The following DLC1 variants were observed in gnomAD, a reference collection of about 807,000 sequenced individuals.
The protein encoded by DLC1 is DLC1 Rho GTPase activating protein.
In DLC1, 54 loss-of-function variants were observed where a neutral mutation model predicts 140.3. That is an observed-to-expected ratio of 0.38 (90% CI 0.31 to 0.48). The LOEUF is 0.48. DLC1 is among the 20% of genes least tolerant of loss of function. The pLI is 0.96. For missense variants in DLC1, 2,536 were observed against 1,907.0 expected, an observed-to-expected ratio of 1.33 and a Z score of -6.14; for synonymous variants, 986 against 728.1, an observed-to-expected ratio of 1.35 and a Z score of -5.70.
chr8:13,259,612 C>G (rs142221799), intron 5 of DLC1, among the ~76,000 whole-genome samples: 1 of 152,058 alleles, frequency 6.6e-6, no homozygotes, highest in African/African-American at 2.4e-5. Flanking sequence ...TCCTTCATTT[C>G]TTTTCCACCT....
intron 1 of DLC1, among the ~76,000 whole-genome samples, chr8:13,507,409 C>A (rs897737914): frequency 6.6e-6 from 1 of 152,200 alleles, no homozygotes. Context: ...AGACAGCCAA[C>A]TTTCAGTAAA....
intron 2 of DLC1, among the ~76,000 whole-genome samples, chr8:13,440,119 A>C (rs1040280425): frequency 6.6e-6 from 1 of 152,162 alleles, no homozygotes; most frequent in Admixed American, 6.5e-5. Flanking sequence ...CAGGACATTC[A>C]TACTTTCTTT....
chr8:13,178,971 G>A (rs1476449056), intron 5 of DLC1, among the ~76,000 whole-genome samples: 1 of 152,128 alleles, frequency 6.6e-6, no homozygotes, highest in African/African-American at 2.4e-5. Flanking sequence ...GACATGTATT[G>A]AAATGCTCAT....
intron 2 of DLC1, among the ~76,000 whole-genome samples, chr8:13,431,478 G>A (rs868808469): frequency 5.0e-4 from 29 of 58,366 alleles, no homozygotes; most frequent in East Asian, 1.7e-3. Flanking sequence ...GCGAGACTCC[G>A]TCTCAAAAAA....
intron 2 of DLC1, among the ~76,000 whole-genome samples, chr8:13,469,924 A>G (rs72603976): frequency 0.077 from 11,784 of 152,264 alleles, 618 homozygotes; most frequent in East Asian, 0.15. Flanking sequence ...TAATGGTATT[A>G]CAGCTCAATA....
intron 1 of DLC1, among the ~76,000 whole-genome samples, chr8:13,538,304 G>A (rs1803363086): frequency 6.6e-6 from 1 of 151,716 alleles, no homozygotes; most frequent in Non-Finnish European, 1.5e-5. Flanking sequence ...ATAAACTTTC[G>A]TGTAAATGGG....
intron 2 of DLC1, among the ~76,000 whole-genome samples, chr8:13,456,477 T>C (rs1166897422): frequency 6.6e-6 from 1 of 152,092 alleles, no homozygotes; most frequent in Non-Finnish European, 1.5e-5. Flanking sequence ...TTTTATTTTT[T>C]GAGACAGCAT....
At chr8:13,152,824 G>GGAAAAAAAA (rs1554451778) in intron 5 of DLC1, among the ~76,000 whole-genome samples, 17 of 91,344 alleles carry the variant, frequency 1.9e-4, no homozygotes, top group South Asian at 1.4e-3. Context: ...CTCTGGGGAA[G>GGAAAAAAAA]AAAAAAAAAA....
At chr8:13,104,915 T>A (rs1172058760) in intron 7 of DLC1, among the ~76,000 whole-genome samples, 1 of 152,030 alleles carries the variant, frequency 6.6e-6, no homozygotes, top group African/African-American at 2.4e-5. Context: ...CTATTGGGGG[T>A]ATCAATTACT....
At chr8:13,103,119 G>C (rs1819240312) in intron 7 of DLC1, among the ~76,000 whole-genome samples, 1 of 151,620 alleles carries the variant, frequency 6.6e-6, no homozygotes, top group Non-Finnish European at 1.5e-5. Flanking sequence ...GACCATCCTG[G>C]CTAACACGGT....
intron 4 of DLC1, among the ~76,000 whole-genome samples, chr8:13,310,161 T>C (rs1832615942): frequency 6.6e-6 from 1 of 152,222 alleles, no homozygotes; most frequent in African/African-American, 2.4e-5. Flanking sequence ...TTTATTTTTT[T>C]GTCCTGCAGT....
At chr8:13,415,582 G>A (rs1838017742) in intron 2 of DLC1, among the ~76,000 whole-genome samples, 1 of 151,932 alleles carries the variant, frequency 6.6e-6, no homozygotes, top group South Asian at 2.1e-4. Context: ...TGTAGTTTTA[G>A]TAGAGATGGG....
chr8:13,483,875 A>T (rs1041971951), intron 2 of DLC1, among the ~76,000 whole-genome samples: 1 of 152,108 alleles, frequency 6.6e-6, no homozygotes, highest in Admixed American at 6.5e-5. Context: ...TGAGGTCAGG[A>T]GTTCGAGATC....
chr8:13,153,517 C>T (rs1326052117), intron 5 of DLC1, among the ~76,000 whole-genome samples: 3 of 152,246 alleles, frequency 2.0e-5, no homozygotes, highest in Admixed American at 2.0e-4. Flanking sequence ...GTCGCCACTG[C>T]TGGCTCCAGC....
At chr8:13,281,339 TATTAGG>T (rs1831359620) in intron 5 of DLC1, among the ~76,000 whole-genome samples, 4 of 152,344 alleles carry the variant, frequency 2.6e-5, no homozygotes, top group African/African-American at 9.6e-5. Flanking sequence ...TGGCTTGCAC[TATTAGG>T]TGTATATTGA....
At chr8:13,398,607 A>T (rs1234934294) in intron 3 of DLC1, among the ~76,000 whole-genome samples, 1 of 141,960 alleles carries the variant, frequency 7.0e-6, no homozygotes. Context: ...ATCTCTACCA[A>T]AAAAAAAAAA....
intron 5 of DLC1, among the ~76,000 whole-genome samples, chr8:13,203,290 G>A (rs984294667): frequency 5.3e-5 from 8 of 152,104 alleles, no homozygotes; most frequent in South Asian, 2.1e-4. Flanking sequence ...TTTAACAAAC[G>A]TTTATTTGAA....
At chr8:13,166,403 T>C (rs1185614037) in intron 5 of DLC1, among the ~76,000 whole-genome samples, 1 of 152,176 alleles carries the variant, frequency 6.6e-6, no homozygotes, top group Non-Finnish European at 1.5e-5. Context: ...TACAGCAGCA[T>C]AATCTCAGCT....
chr8:13,487,626 T>A (rs1467227268), intron 2 of DLC1, among the ~76,000 whole-genome samples: 1 of 151,090 alleles, frequency 6.6e-6, no homozygotes, highest in East Asian at 1.9e-4. Flanking sequence ...CAGGCTGGAG[T>A]GCAATGGCGT....
Sources: allele counts gnomAD v4.1 joint callset (sites outside exome capture counted in the v4.1 genomes callset), GRCh38; gene constraint gnomAD v4.1.1; transcripts MANE v1.5; gene names NCBI Gene and HGNC (gene_info 2026-07-23, HGNC 2026-07-21).